The following CELF2 variants were observed in gnomAD, a reference collection of about 807,000 sequenced individuals.
The protein encoded by CELF2 is CUGBP Elav-like family member 2.
CELF2 carries 8 observed loss-of-function variants against 62.6 expected under a neutral mutation model. The observed-to-expected ratio is 0.13, with a 90% CI of 0.07 to 0.23. The LOEUF is 0.23. Among genes scored for constraint, CELF2 ranks in the 10% least tolerant of loss-of-function variants. The probability of loss-of-function intolerance (pLI) is 1.00; values close to 1 mark genes in which losing one functional copy is unlikely to be tolerated. For missense variants in CELF2, 333 were observed against 671.0 expected (o/e 0.50, Z 5.56); for synonymous variants, 258 against 250.0 (o/e 1.03, Z -0.30).
chr10:10,906,141 C>T (rs2063323879), intron 1 of CELF2, among the ~76,000 whole-genome samples: 2 of 144,802 alleles, frequency 1.4e-5, no homozygotes, highest in South Asian at 4.5e-4. Context: ...GTCCCAACTC[C>T]TCATTCCCAA....
At chr10:10,694,528 C>G in the CELF2 span, among the ~76,000 whole-genome samples, 1 of 152,118 alleles carries the variant, frequency 6.6e-6, no homozygotes, top group African/African-American at 2.4e-5. Flanking sequence ...TCTACTAGGT[C>G]TGCTTGGTGC....
intron 1 of CELF2, among the ~76,000 whole-genome samples, chr10:10,875,033 G>T (rs1214947312): frequency 6.6e-6 from 1 of 152,150 alleles, no homozygotes; most frequent in African/African-American, 2.4e-5. Context: ...ACCCTTTGGG[G>T]GTTTAGGAAA....
At chr10:11,263,859 A>T (rs76417780) in intron 5 of CELF2, among the ~76,000 whole-genome samples, 3,137 of 152,350 alleles carry the variant, frequency 0.021, 43 homozygotes, top group Admixed American at 0.034. Flanking sequence ...ACAGTGGTTA[A>T]CAAGCTACCA....
chr10:10,482,622 T>C, the CELF2 span, among the ~76,000 whole-genome samples: 2 of 152,222 alleles, frequency 1.3e-5, no homozygotes, highest in African/African-American at 4.8e-5. Flanking sequence ...TTGATTATGC[T>C]TTTTATTTTC....
chr10:11,240,740 C>T (rs2073561847), intron 3 of CELF2, among the ~76,000 whole-genome samples: 1 of 152,140 alleles, frequency 6.6e-6, no homozygotes, highest in African/African-American at 2.4e-5. Flanking sequence ...ATACTGCACA[C>T]ACATATAAAG....
At chr10:10,838,231 T>C (rs1335347829) in intron 1 of CELF2, among the ~76,000 whole-genome samples, 1 of 152,214 alleles carries the variant, frequency 6.6e-6, no homozygotes, top group Non-Finnish European at 1.5e-5. Flanking sequence ...ACTGGGATTA[T>C]GGGTTTGGGG....
At position 11,211,052 on chromosome 10, in the gene CELF2, G is replaced by A. The variant is rs1589130465; in HGVS notation, c.272-6373G>A. On this transcript the variant is annotated intron_variant, in intron 2 of 12. Transcript: ENST00000633077. This position sits in a 1 kb window ranked among gnomAD's most constrained non-coding sequence, Gnocchi z 4.8. ...GTAGCACTTTGGGAGGCCAAGGCAG[G>A]AGGACCACTTGAGACGAGGAGTTTG... Among the ~76,000 whole-genome samples, 1 of 152,352 alleles carries A rather than the reference G, an allele frequency of 6.6e-6. No individual in the cohort carries two copies. Among genetic ancestry groups the A allele is most frequent in the Non-Finnish European group, 1.5e-5 (1 of 68,038 alleles).
rs1359733327 is a variant in CELF2, at chr10:10,928,710, T to A, written c.89+8711T>A. On this transcript the variant is annotated intron_variant, in intron 2 of 13. Transcript: ENST00000636488. The surrounding 1 kb of genome is among the most constrained non-coding windows in gnomAD (Gnocchi z 4.8). The stretch of plus-strand genomic sequence containing the variant: ...TTCTCTGCCCTGAAGAGATTTATGT[T>A]CCTTCTGTTGGTTCCCAAAGACCCC... 6.6e-6 allele frequency among the ~76,000 whole-genome samples: 1 copy of A among 152,200 alleles called. No individual in the cohort carries two copies. Among genetic ancestry groups the A allele is most frequent in the Non-Finnish European group, 1.5e-5 (1 of 68,034 alleles).
chr10:11,143,480 CA>C (rs2061713915), intron 1 of CELF2, among the ~76,000 whole-genome samples: 1 of 152,188 alleles, frequency 6.6e-6, no homozygotes, highest in African/African-American at 2.4e-5. Flanking sequence ...CGGACCCTTC[CA>C]GGCCAGACAG....
the CELF2 span, among the ~76,000 whole-genome samples, chr10:10,494,331 G>A: frequency 2.6e-5 from 4 of 152,160 alleles, no homozygotes; most frequent in African/African-American, 7.2e-5. Context: ...ATAACACATG[G>A]ACATTTTCTT....
At chr10:10,641,412 G>A in the CELF2 span, among the ~76,000 whole-genome samples, 8 of 152,000 alleles carry the variant, frequency 5.3e-5, no homozygotes, top group Non-Finnish European at 7.4e-5. Flanking sequence ...TTCCCCTTAC[G>A]GGTGTATTGC....
intron 3 of CELF2, among the ~76,000 whole-genome samples, chr10:11,226,282 G>A (rs985846916): frequency 2.0e-5 from 3 of 152,220 alleles, no homozygotes; most frequent in African/African-American, 7.2e-5. Context: ...TAAACAGCTG[G>A]CACCTGACTT....
the CELF2 span, among the ~76,000 whole-genome samples, chr10:10,682,918 C>T: frequency 1.3e-5 from 2 of 152,072 alleles, no homozygotes; most frequent in African/African-American, 4.8e-5. Context: ...AGAATGGAAG[C>T]AGTCAGCTGT....
At chr10:10,850,055 A>G (rs2059286629) in intron 1 of CELF2, among the ~76,000 whole-genome samples, 1 of 152,000 alleles carries the variant, frequency 6.6e-6, no homozygotes, top group Admixed American at 6.6e-5. Flanking sequence ...GGCTGAGGCA[A>G]GGAATATCGC....
At chr10:11,182,066 TAAGG>T (rs1565139760) in intron 2 of CELF2, among the ~76,000 whole-genome samples, 1 of 152,116 alleles carries the variant, frequency 6.6e-6, no homozygotes, top group Non-Finnish European at 1.5e-5. Context: ...TAAAATAAAA[TAAGG>T]AAGGAGAAAA....
At chr10:10,695,903 T>G in the CELF2 span, among the ~76,000 whole-genome samples, 1 of 151,542 alleles carries the variant, frequency 6.6e-6, no homozygotes, top group Non-Finnish European at 1.5e-5. Flanking sequence ...TAGATATACA[T>G]TCTTCTAAAT....
chr10:10,619,460 T>G, the CELF2 span, among the ~76,000 whole-genome samples: 1 of 152,202 alleles, frequency 6.6e-6, no homozygotes, highest in Non-Finnish European at 1.5e-5. Flanking sequence ...AGCTCGTACA[T>G]TCATAGTCAT....
At chr10:10,817,015 G>C (rs946554689) in intron 1 of CELF2, among the ~76,000 whole-genome samples, 2 of 152,192 alleles carry the variant, frequency 1.3e-5, no homozygotes, top group Non-Finnish European at 2.9e-5. Context: ...TCCAACAACT[G>C]ACTTGGAAGC....
intron 2 of CELF2, among the ~76,000 whole-genome samples, chr10:10,956,439 GAT>G (rs1241004048): frequency 6.6e-6 from 1 of 152,192 alleles, no homozygotes; most frequent in African/African-American, 2.4e-5. Flanking sequence ...GAGGCCATCA[GAT>G]GGCCACAATT....
Sources: gnomAD v4.1 joint callset for allele counts (sites outside exome capture counted in the v4.1 genomes callset) on GRCh38, gnomAD v4.1.1 for gene constraint, Gnocchi (gnomAD v3.1) non-coding constraint, MANE v1.5 for transcripts, NCBI Gene and HGNC (gene_info 2026-07-23, HGNC 2026-07-21) for gene names.